APP: variants seen among roughly 807,000 people sequenced by gnomAD.
APP encodes amyloid beta precursor protein, also known as amyloid-beta precursor protein.
In APP, 31 loss-of-function variants were observed where a neutral mutation model predicts 101.4. The ratio of observed to expected loss-of-function variants is 0.31; its 90% CI spans 0.23 to 0.41. APP has a LOEUF of 0.41. Among genes scored for constraint, APP ranks in the 10% least tolerant of loss-of-function variants. APP has a pLI of 1.00. For synonymous variants in APP, 366 were observed against 364.4 expected (o/e 1.00, Z -0.05); for missense variants, 839 against 1,003.7 (o/e 0.84, Z 2.22).
rs71183520 is a variant in APP, at chr21:25,900,987, C to CAAAAAAAAAAAAAAAAAA, written c.1964-3315_1964-3314insTTTTTTTTTTTTTTTTTT. Among the ~76,000 whole-genome samples, 6 of 118,564 alleles carry CAAAAAAAAAAAAAAAAAA rather than the reference C, an allele frequency of 5.1e-5. No individual in the cohort carries two copies. The East Asian group carries it at 9.6e-4, about 19-fold the overall frequency. 77.8% of individuals were successfully genotyped at this position (118,564 alleles called of 152,430 possible). ...TGGGCGACAGAGTGAGACTCCATCT[C>CAAAAAAAAAAAAAAAAAA]AAAAAAAAAAAAAAAAAGAATGAGC... On this transcript the variant is annotated intron_variant, in intron 15 of 17. Coordinates refer to ENST00000346798, the MANE Select transcript of APP (RefSeq NM_000484.4).
chr21:26,027,102 A>G (rs1170592296), intron 5 of APP, among the ~76,000 whole-genome samples: 1 of 152,210 alleles, frequency 6.6e-6, no homozygotes, highest in Non-Finnish European at 1.5e-5. Context: ...AATGACAGAG[A>G]GAAAGCTCTG....
intron 5 of APP, among the ~76,000 whole-genome samples, chr21:26,043,771 A>G (rs1226308818): frequency 4.6e-3 from 1 of 218 alleles, no homozygotes; most frequent in African/African-American, 0.014. Flanking sequence ...CCTTTAGAAT[A>G]CCATCAGGTC....
At chr21:26,103,334 T>G (rs898862749) in intron 2 of APP, among the ~76,000 whole-genome samples, 12 of 152,086 alleles carry the variant, frequency 7.9e-5, no homozygotes, top group Admixed American at 7.9e-4. Context: ...GAAGGCTGGG[T>G]GCAGTGGCTC....
At chr21:25,972,823 AT>A in intron 11 of APP, among the ~76,000 whole-genome samples, 1 of 152,150 alleles carries the variant, frequency 6.6e-6, no homozygotes, top group East Asian at 1.9e-4. Flanking sequence ...TTTTTTTTAA[AT>A]TTACAACTCA....
intron 1 of APP, chr21:26,140,362 CTACCACGCACAGCAAGGCTG>C: frequency 6.7e-7 from 1 of 1,494,784 alleles, no homozygotes; most frequent in South Asian, 1.3e-5. Context: ...AACCCAACTT[CTACCACGCACAGCAAGGCTG>C]TGCTATTTAG....
chr21:26,067,792 C>T (rs1048456514), intron 3 of APP, among the ~76,000 whole-genome samples: 2 of 151,926 alleles, frequency 1.3e-5, no homozygotes, highest in African/African-American at 2.4e-5. Flanking sequence ...CTCTGTATCC[C>T]GAGAGATGAG....
intron 16 of APP, among the ~76,000 whole-genome samples, chr21:25,895,522 ATTTG>A (rs1393162341): frequency 6.6e-6 from 1 of 152,090 alleles, no homozygotes; most frequent in African/African-American, 2.4e-5. Context: ...TTGTTGCAAA[ATTTG>A]TTTTATTGTG....
At chr21:26,067,094 T>G (rs949988322) in intron 3 of APP, among the ~76,000 whole-genome samples, 1 of 152,168 alleles carries the variant, frequency 6.6e-6, no homozygotes, top group African/African-American at 2.4e-5. Context: ...AGAAATATAA[T>G]AGAGGCCACA....
intron 13 of APP, among the ~76,000 whole-genome samples, chr21:25,951,086 G>A (rs192530644): frequency 6.6e-6 from 1 of 152,058 alleles, no homozygotes; most frequent in South Asian, 2.1e-4. Flanking sequence ...TGAAGTTAGT[G>A]GGAAAGTAGC....
chr21:25,954,470 C>A (rs913922305), intron 13 of APP, 120 bp downstream of exon 13: 2 of 895,802 alleles, frequency 2.2e-6, no homozygotes, highest in African/African-American at 3.3e-5. Context: ...ACAGTTTCAT[C>A]GTAAAAGGCA....
chr21:25,943,941 C>A (rs1188952052), intron 13 of APP, among the ~76,000 whole-genome samples: 1 of 152,144 alleles, frequency 6.6e-6, no homozygotes, highest in Non-Finnish European at 1.5e-5. Flanking sequence ...AGAGAACATG[C>A]AGCTATAGCA....
chr21:26,104,187 T>A (rs1392690194), intron 2 of APP, among the ~76,000 whole-genome samples: 1 of 150,956 alleles, frequency 6.6e-6, no homozygotes, highest in Non-Finnish European at 1.5e-5. Flanking sequence ...ATCTAACAGT[T>A]ATCACCTCCC....
intron 6 of APP, among the ~76,000 whole-genome samples, chr21:26,015,702 C>T (rs1307777597): frequency 6.6e-6 from 1 of 152,018 alleles, no homozygotes; most frequent in African/African-American, 2.4e-5. Flanking sequence ...AAAAAACAAA[C>T]CCTACCTCAA....
At chr21:25,903,368 C>CA (rs937462787) in intron 15 of APP, among the ~76,000 whole-genome samples, 7,586 of 68,058 alleles carry the variant, frequency 0.11, 391 homozygotes, top group African/African-American at 0.19. Context: ...GACTCCATCT[C>CA]AAAAAAAAAA....
At chr21:25,893,310 C>T (rs1329112071) in intron 16 of APP, among the ~76,000 whole-genome samples, 1 of 152,302 alleles carries the variant, frequency 6.6e-6, no homozygotes, top group African/African-American at 2.4e-5. Context: ...AATAACCCTA[C>T]AGTGGCCTCT....
intron 5 of APP, among the ~76,000 whole-genome samples, chr21:26,047,527 CGCCTGCAGGGCTACAGGAAAA>C (rs2045659653): frequency 6.6e-6 from 1 of 152,162 alleles, no homozygotes; most frequent in African/African-American, 2.4e-5. Context: ...AAGCCCTGCC[CGCCTGCAGGGCTACAGGAAAA>C]GAAGTTAAAA....
At chr21:26,153,206 T>C (rs2063313545) in intron 1 of APP, among the ~76,000 whole-genome samples, 1 of 152,172 alleles carries the variant, frequency 6.6e-6, no homozygotes, top group Admixed American at 6.5e-5. Flanking sequence ...CAAGGTACCC[T>C]ACTTAAGTGC....
At position 26,112,087 on chromosome 21, in the gene APP, G is replaced by T. The variant is rs540353454; in HGVS notation, c.117C>A (p.Gly39=). The stretch of plus-strand genomic sequence containing the variant: ...GGACATTCATGTGCATGTTCAGTCT[G>T]CCACAGAACATGGCAATCTGGGGTT... ...LAEPQIAMFC[G]RLNMHMNVQN... is the part of the protein sequence containing the mutation. The change falls in exon 2 of 18, where the codon GGC becomes GGA. Residue 39 remains glycine (G), a synonymous_variant. Coordinates refer to ENST00000346798, the MANE Select transcript of APP (RefSeq NM_000484.4). 6.2e-7 allele frequency: 1 copy of T among 1,614,088 alleles called. No homozygotes were observed. Among genetic ancestry groups the T allele is most frequent in the Non-Finnish European group, 8.5e-7 (1 of 1,179,960 alleles).
Position 25,995,749 on chromosome 21 carries a change from G to A in APP, c.1090+1611C>T, listed in dbSNP as rs1372046938. 3.3e-5 allele frequency among the ~76,000 whole-genome samples: 5 copies of A among 152,164 alleles called. No individual in the cohort carries two copies. The East Asian group carries it at 9.6e-4, about 29-fold the overall frequency. On this transcript the variant is annotated intron_variant, in intron 8 of 17. Coordinates refer to ENST00000346798, the MANE Select transcript of APP (RefSeq NM_000484.4). ...AAATGCTTTTTTCACAACAGCAAAA[G>A]AAACGTTTATGTTGCAGCAGTACAA... is the stretch of plus-strand genomic sequence containing the variant.
Sources: allele counts gnomAD v4.1 joint callset (sites outside exome capture counted in the v4.1 genomes callset), GRCh38; gene constraint gnomAD v4.1.1; transcripts MANE v1.5; gene names NCBI Gene and HGNC (gene_info 2026-07-23, HGNC 2026-07-21).